MAP2K3: variants seen among roughly 807,000 people sequenced by gnomAD.
MAP2K3 encodes mitogen-activated protein kinase kinase 3.
A neutral mutation model predicts 46.4 loss-of-function variants in MAP2K3; 30 were observed. The ratio of observed to expected loss-of-function variants is 0.65; its 90% confidence interval spans 0.48 to 0.88. The LOEUF (loss-of-function observed/expected upper bound fraction) is 0.88, where lower values mean the gene tolerates loss of function less well. MAP2K3 is among the 40% of genes least tolerant of loss of function. The probability of loss-of-function intolerance (pLI) is 0.00; values close to 1 mark genes in which losing one functional copy is unlikely to be tolerated. For synonymous variants in MAP2K3, 189 were observed against 176.3 expected (o/e 1.07, Z -0.57); for missense variants, 380 against 464.5 (o/e 0.82, Z 1.67).
intron 1 of MAP2K3, chr17:21,295,858 A>G: frequency 3.1e-6 from 4 of 1,287,684 alleles, no homozygotes; most frequent in Non-Finnish European, 4.1e-6. Context: ...GGCTGGGGCC[A>G]GAGGGACCAA....
chr17:21,311,908 T>C, intron 9 of MAP2K3: 1 of 457,928 alleles, frequency 2.2e-6, no homozygotes, highest in Non-Finnish European at 3.8e-6. Flanking sequence ...AGTCCCGGTG[T>C]GGGCTGAATC....
chr17:21,291,771 C>G (rs1306132507), intron 1 of MAP2K3: 1 of 366,614 alleles, frequency 2.7e-6, no homozygotes, highest in South Asian at 2.0e-5. Flanking sequence ...GTCATCAACC[C>G]CATCTTAGGA....
chr17:21,292,172 T>C (rs1455468616), intron 1 of MAP2K3, among the ~76,000 whole-genome samples: 2 of 152,304 alleles, frequency 1.3e-5, no homozygotes, highest in African/African-American at 4.8e-5. Context: ...CTGCGGGGGC[T>C]GTACTGTGCT....
chr17:21,295,537 C>T, intron 1 of MAP2K3: 19 of 1,217,190 alleles, frequency 1.6e-5, no homozygotes, highest in Non-Finnish European at 2.0e-5. Flanking sequence ...CCATCTGGGC[C>T]CAGCTCTGAC....
At chr17:21,291,474 G>A (rs1310152388) in intron 1 of MAP2K3, 3 of 456,442 alleles carry the variant, frequency 6.6e-6, no homozygotes, top group Admixed American at 2.3e-5. Flanking sequence ...GCAGGTGGCT[G>A]GCAATGGCCT....
intron 1 of MAP2K3, among the ~76,000 whole-genome samples, chr17:21,298,031 G>A (rs1976358811): frequency 6.6e-6 from 1 of 152,310 alleles, no homozygotes; most frequent in South Asian, 2.1e-4. Context: ...AGTGGCTGCT[G>A]CAGGTGCTGG....
chr17:21,306,907 T>C (rs1404432834), intron 9 of MAP2K3, among the ~76,000 whole-genome samples: 1 of 152,306 alleles, frequency 6.6e-6, no homozygotes, highest in Admixed American at 6.5e-5. Flanking sequence ...TACCTCAGTC[T>C]CCTGAGTAGC....
intron 7 of MAP2K3, 145 bp from the exon 8 acceptor site, chr17:21,304,281 A>C: frequency 6.9e-7 from 1 of 1,440,706 alleles, no homozygotes; most frequent in South Asian, 1.3e-5. Flanking sequence ...GACCCTTGGG[A>C]CCCTGGTGCA....
intron 5 of MAP2K3, among the ~76,000 whole-genome samples, chr17:21,301,281 C>T (rs932367676): frequency 2.6e-5 from 4 of 152,276 alleles, no homozygotes; most frequent in South Asian, 4.1e-4. Context: ...TGTGACCATT[C>T]GCATCCCCAT....
intron 1 of MAP2K3, among the ~76,000 whole-genome samples, chr17:21,287,136 A>T (rs908785221): frequency 3.3e-5 from 5 of 152,296 alleles, no homozygotes; most frequent in Middle Eastern, 6.8e-3. Flanking sequence ...CCCATGCTGG[A>T]TGCCTGAGCT....
intron 1 of MAP2K3, among the ~76,000 whole-genome samples, chr17:21,294,204 C>G (rs1030527739): frequency 6.6e-6 from 1 of 152,310 alleles, no homozygotes; most frequent in Non-Finnish European, 1.5e-5. Context: ...GGCAGGGCGG[C>G]GCCTCTTGCT....
chr17:21,303,161 C>G (rs1976700931), intron 6 of MAP2K3, 22 bp from the exon 7 acceptor site: 7 of 1,614,016 alleles, frequency 4.3e-6, no homozygotes, highest in African/African-American at 2.7e-5. Context: ...TGTCTCTTCC[C>G]TCCTCCCCAC....
rs148435923 is a variant in MAP2K3 at position 21,298,438 on chromosome 17, A to C, written c.75A>C (p.Leu25=). 2,688 of 1,613,220 alleles carry C rather than the reference A, an allele frequency of 1.7e-3. No individual in the cohort carries two copies. In the African/African-American group the frequency reaches 0.032, roughly 19 times the overall value. ...SKGKSKRKKD[L]RISCMSKPPA... is the part of the protein sequence containing the mutation. ...GAAAATCCAAGAGGAAGAAGGATCT[A>C]CGGATATCCTGCATGTCCAAGCCAC... The change falls in exon 2 of 12, where the codon CTA becomes CTC. Residue 25 remains leucine, a synonymous_variant. Transcript: ENST00000342679.
chr17:21,310,340 G>A (rs1977105695), intron 9 of MAP2K3, among the ~76,000 whole-genome samples: 1 of 152,146 alleles, frequency 6.6e-6, no homozygotes. Flanking sequence ...ACTCCTGTAT[G>A]TATCCCTTCC....
At chr17:21,310,574 A>G (rs1977116069) in intron 9 of MAP2K3, among the ~76,000 whole-genome samples, 1 of 152,122 alleles carries the variant, frequency 6.6e-6, no homozygotes, top group South Asian at 2.1e-4. Flanking sequence ...TTTCCCACTC[A>G]CTGCACAAGC....
At chr17:21,302,385 G>C in intron 6 of MAP2K3, 126 bp downstream of exon 6, 1 of 1,061,684 alleles carries the variant, frequency 9.4e-7, no homozygotes. Context: ...TGTGCCCCCT[G>C]AACCTGGGCA....
chr17:21,307,069 A>G, intron 9 of MAP2K3, among the ~76,000 whole-genome samples: 1 of 152,308 alleles, frequency 6.6e-6, no homozygotes, highest in East Asian at 1.9e-4. Flanking sequence ...TATAGGCACA[A>G]GCTACTGCAC....
chr17:21,312,784 G>A (rs1351654922), intron 10 of MAP2K3, among the ~76,000 whole-genome samples: 8 of 152,092 alleles, frequency 5.3e-5, no homozygotes, highest in Admixed American at 1.3e-4. Flanking sequence ...GCGTGGTGGC[G>A]CATGCCTATA....
intron 2 of MAP2K3, 142 bp downstream of exon 2, chr17:21,298,621 G>C (rs1333474349): frequency 1.0e-5 from 14 of 1,397,056 alleles, no homozygotes; most frequent in Middle Eastern, 1.8e-4. Context: ...ATACAGCCAG[G>C]TGACGGCTGC....
Sources: allele counts gnomAD v4.1 joint callset (sites outside exome capture counted in the v4.1 genomes callset), GRCh38; gene constraint gnomAD v4.1.1; transcripts MANE v1.5; gene names NCBI Gene and HGNC (gene_info 2026-07-23, HGNC 2026-07-21).